Variants in CRPPA observed in about 807,000 individuals in gnomAD.
CRPPA encodes the protein D-ribitol-5-phosphate cytidylyltransferase.
Under a neutral mutation model 52.0 loss-of-function variants are expected in CRPPA, and 43 were observed. The ratio of observed to expected loss-of-function variants is 0.83; its 90% CI spans 0.65 to 1.07. The LOEUF is 1.07. Among genes scored for constraint, CRPPA ranks in the 50% least tolerant of loss-of-function variants. The pLI is 0.00. For synonymous variants in CRPPA, 250 were observed against 203.5 expected (o/e 1.23, Z -1.94); for missense variants, 629 against 551.7 (o/e 1.14, Z -1.40).
chr7:16,173,978 G>A (rs796532005), intron 9 of CRPPA, among the ~76,000 whole-genome samples: 9 of 152,212 alleles, frequency 5.9e-5, no homozygotes, highest in African/African-American at 1.9e-4. Context: ...ATAAAAATTG[G>A]ACACCTGATG....
chr7:16,172,949 G>C (rs1001482990), intron 9 of CRPPA, among the ~76,000 whole-genome samples: 1 of 152,140 alleles, frequency 6.6e-6, no homozygotes, highest in Non-Finnish European at 1.5e-5. Context: ...AACATACTTT[G>C]TTTTCAACTG....
At chr7:16,256,174 C>G (rs1783633583) in intron 8 of CRPPA, among the ~76,000 whole-genome samples, 1 of 152,058 alleles carries the variant, frequency 6.6e-6, no homozygotes. Flanking sequence ...CTTATGTAGC[C>G]AAGAAACATG....
chr7:16,384,764 C>G (rs371092514), intron 2 of CRPPA, among the ~76,000 whole-genome samples: 3 of 151,902 alleles, frequency 2.0e-5, no homozygotes, highest in African/African-American at 4.8e-5. Context: ...AATAAGCAAA[C>G]AAGTCATGCA....
chr7:16,149,538 CTTGTACTA>C (rs1252425789), intron 9 of CRPPA, among the ~76,000 whole-genome samples: 1 of 152,150 alleles, frequency 6.6e-6, no homozygotes, highest in Admixed American at 6.5e-5. Flanking sequence ...AGGCCATTAT[CTTGTACTA>C]TTTCTACAAA....
intron 9 of CRPPA, among the ~76,000 whole-genome samples, chr7:16,177,619 C>A (rs570920446): frequency 1.3e-5 from 2 of 151,998 alleles, no homozygotes; most frequent in Non-Finnish European, 2.9e-5. Flanking sequence ...GATTAAAATA[C>A]CAAGAGGAAT....
intron 1 of CRPPA, among the ~76,000 whole-genome samples, chr7:16,413,038 T>C (rs1293024193): frequency 6.6e-6 from 1 of 152,204 alleles, no homozygotes; most frequent in East Asian, 1.9e-4. Flanking sequence ...CCCTCTCATC[T>C]AGTCTGCAGA....
At chr7:16,188,403 A>C (rs1562546801) in intron 9 of CRPPA, among the ~76,000 whole-genome samples, 1 of 152,216 alleles carries the variant, frequency 6.6e-6, no homozygotes, top group Non-Finnish European at 1.5e-5. Context: ...ATAGCAGTAT[A>C]GTTTCAAACC....
At position 16,087,959 on chromosome 7, in the gene CRPPA, T is replaced by C. The variant is rs1428996585; in HGVS notation, c.*3736A>G. 6.6e-6 allele frequency: 1 copy of C among 152,192 alleles called. No individual in the cohort carries two copies. The highest frequency in any genetic ancestry group is 1.5e-5 in the Non-Finnish European group (1 of 68,026). The allele number at this position is 152,192 out of a possible 1,614,324, so 9.4% of individuals were successfully genotyped here. ...AGATGATCACTGTATTTACATAAAG[T>C]TGAGTTATAAGTTAGGGAAGAAAAA... is the stretch of plus-strand genomic sequence containing the variant. On this transcript the variant is annotated 3_prime_UTR_variant, in exon 10 of 10. Coordinates refer to ENST00000407010, the MANE Select transcript of CRPPA (RefSeq NM_001101426.4).
In CRPPA at chr7:16,273,190, C is replaced by T. The variant is rs537060524; in HGVS notation, c.933+4939G>A. On this transcript the variant is annotated intron_variant, in intron 6 of 9. Transcript: ENST00000407010. ...ATACAAACAGGAGACACGGAAATCC[C>T]GGGTAGAAGAGGACAGTCCCTGGTG... is the stretch of plus-strand genomic sequence containing the variant. Among the ~76,000 whole-genome samples the T allele has an allele frequency of 8.9e-5, 13 of 146,370 alleles. 1 individual carries two copies. In the East Asian group the frequency reaches 2.5e-3, roughly 29 times the overall value.
chr7:16,259,141 A>C (rs1162464543), intron 6 of CRPPA, 129 bp from the exon 7 acceptor site: 1 of 541,372 alleles, frequency 1.8e-6, no homozygotes, highest in Non-Finnish European at 3.2e-6. Context: ...AAAAAAATGA[A>C]ACATGCTGAA....
intron 3 of CRPPA, among the ~76,000 whole-genome samples, chr7:16,316,794 C>T (rs976442804): frequency 3.3e-5 from 5 of 152,048 alleles, no homozygotes; most frequent in Non-Finnish European, 5.9e-5. Flanking sequence ...GAGTTCGAGG[C>T]TGCAGTGAAC....
intron 2 of CRPPA, among the ~76,000 whole-genome samples, chr7:16,398,744 C>T (rs1787694718): frequency 1.3e-5 from 2 of 152,026 alleles, no homozygotes; most frequent in African/African-American, 4.8e-5. Context: ...TTAACCAATG[C>T]CTGACATGTG....
intron 3 of CRPPA, among the ~76,000 whole-genome samples, chr7:16,366,768 A>T (rs1786602091): frequency 6.7e-6 from 1 of 148,796 alleles, no homozygotes; most frequent in African/African-American, 2.5e-5. Flanking sequence ...GAGAGAATTA[A>T]AAAAAAAAAG....
chr7:16,350,207 A>G (rs988595137), intron 3 of CRPPA, among the ~76,000 whole-genome samples: 1 of 152,136 alleles, frequency 6.6e-6, no homozygotes, highest in Non-Finnish European at 1.5e-5. Context: ...AAAGCTGAAA[A>G]AGTTGATCAC....
intron 9 of CRPPA, among the ~76,000 whole-genome samples, chr7:16,195,449 T>C (rs1409396403): frequency 6.6e-6 from 1 of 152,100 alleles, no homozygotes; most frequent in Admixed American, 6.6e-5. Flanking sequence ...AACTTAATGA[T>C]ACTGCAGCCA....
intron 9 of CRPPA, among the ~76,000 whole-genome samples, chr7:16,124,680 T>G (rs1190488302): frequency 6.6e-6 from 1 of 152,104 alleles, no homozygotes; most frequent in African/African-American, 2.4e-5. Flanking sequence ...AATAATCTAT[T>G]GTATATTTTC....
At position 16,212,317 on chromosome 7, in the gene CRPPA, A is replaced by G. The variant is rs781390692; in HGVS notation, c.1251+3749T>C. ...GCTTTCAAAAGTTCTATTTCCCACT[A>G]TATTATAAGTAAGTGAAATGACAGT... On this transcript the variant is annotated intron_variant, in intron 9 of 9. Transcript: ENST00000407010. 2.8e-4 allele frequency among the ~76,000 whole-genome samples: 43 copies of G among 152,162 alleles called. 1 individual carries two copies. The highest frequency in any genetic ancestry group is 5.4e-4 in the Non-Finnish European group (37 of 68,034).
chr7:16,318,858 C>A (rs1173500127), intron 3 of CRPPA, among the ~76,000 whole-genome samples: 1 of 152,144 alleles, frequency 6.6e-6, no homozygotes, highest in Non-Finnish European at 1.5e-5. Context: ...TGCAAGGGCA[C>A]AAAAGTAGAA....
chr7:16,115,047 G>A (rs926568124), intron 9 of CRPPA, among the ~76,000 whole-genome samples: 1 of 151,806 alleles, frequency 6.6e-6, no homozygotes, highest in African/African-American at 2.4e-5. Flanking sequence ...AATGTTTCAC[G>A]CACTCCAAAA....
Sources: allele counts gnomAD v4.1 joint callset (sites outside exome capture counted in the v4.1 genomes callset), GRCh38; gene constraint gnomAD v4.1.1; transcripts MANE v1.5; gene names NCBI Gene and HGNC (gene_info 2026-07-23, HGNC 2026-07-21).